The following ADAMTSL1 variants were observed in gnomAD, a reference collection of about 807,000 sequenced individuals.
The protein encoded by ADAMTSL1 is ADAMTS like 1.
In ADAMTSL1, 126 loss-of-function variants were observed where a neutral mutation model predicts 201.8. The observed-to-expected ratio is 0.62, with a 90% CI of 0.54 to 0.72. The LOEUF (loss-of-function observed/expected upper bound fraction) is 0.72. Ranked by LOEUF, ADAMTSL1 falls within the 30% of genes least tolerant of loss-of-function variation. The pLI is 0.00. For missense variants in ADAMTSL1, 2,679 were observed against 2,277.8 expected (o/e 1.18, Z -3.59); for synonymous variants, 1,121 against 903.4 (o/e 1.24, Z -4.32).
intron 1 of ADAMTSL1, among the ~76,000 whole-genome samples, chr9:18,495,192 A>T (rs1040431817): frequency 3.9e-5 from 6 of 152,162 alleles, no homozygotes; most frequent in African/African-American, 1.4e-4. Flanking sequence ...CTAAACTGTA[A>T]ATCCTCTAAA....
chr9:18,442,945 C>G (rs1446846221), intron 2 of ADAMTSL1, among the ~76,000 whole-genome samples: 1 of 152,218 alleles, frequency 6.6e-6, no homozygotes, highest in African/African-American at 2.4e-5. Context: ...TTTTATAGAA[C>G]AGAGTGATGG....
intron 1 of ADAMTSL1, among the ~76,000 whole-genome samples, chr9:18,148,588 A>T (rs1826763677): frequency 6.6e-6 from 1 of 152,052 alleles, no homozygotes; most frequent in African/African-American, 2.4e-5. Flanking sequence ...ATAAATAAAG[A>T]ATTTTTTATT....
chr9:18,134,655 A>G (rs1412012071), intron 1 of ADAMTSL1, among the ~76,000 whole-genome samples: 1 of 152,210 alleles, frequency 6.6e-6, no homozygotes, highest in African/African-American at 2.4e-5. Flanking sequence ...AAAACTTGCC[A>G]GTGGGTGTGG....
intron 16 of ADAMTSL1, among the ~76,000 whole-genome samples, chr9:18,768,332 T>G (rs928137172): frequency 6.6e-6 from 1 of 152,102 alleles, no homozygotes; most frequent in Non-Finnish European, 1.5e-5. Flanking sequence ...TTGGACTTTT[T>G]CTCCAGCTGC....
chr9:18,618,335 T>C (rs138762812), intron 4 of ADAMTSL1, among the ~76,000 whole-genome samples: 48 of 152,264 alleles, frequency 3.2e-4, no homozygotes, highest in African/African-American at 1.1e-3. Flanking sequence ...ATTGAAACTA[T>C]TAGCAAACCA....
At chr9:18,795,272 T>C in intron 19 of ADAMTSL1, 125 bp from the exon 20 acceptor site, 2 of 1,241,556 alleles carry the variant, frequency 1.6e-6, no homozygotes, top group East Asian at 2.4e-5. Context: ...TGTAGCTGGT[T>C]TGTCTCTGTT....
At chr9:17,967,692 CT>C (rs759821727) in intron 1 of ADAMTSL1, among the ~76,000 whole-genome samples, 4 of 151,956 alleles carry the variant, frequency 2.6e-5, no homozygotes, top group Non-Finnish European at 4.4e-5. Context: ...CTTTTTCTTC[CT>C]TTATAGATTT....
intron 9 of ADAMTSL1, among the ~76,000 whole-genome samples, chr9:18,672,139 C>T (rs1203845569): frequency 2.0e-5 from 3 of 150,606 alleles, no homozygotes; most frequent in African/African-American, 4.9e-5. Context: ...AGATGTATCT[C>T]AATAGTTATA....
rs772886011 is a variant in ADAMTSL1, at chr9:18,533,266, A to G, written c.211A>G (p.Ile71Val). ...LSSKSCEGRN[I>V]RYRTCSNVDC... ...ACTTAGGAGCTGTGAAGGAAGAAATATCCGATACAGAACATGCAGTAATGT... is the reference window on the plus strand; with the variant it reads ...ACTTAGGAGCTGTGAAGGAAGAAATGTCCGATACAGAACATGCAGTAATGT... Residue 71 changes from isoleucine (I) to valine (V), a missense_variant, in exon 3 of 29, where the codon ATC (isoleucine) becomes GTC (valine). Ile to Val is a conservative substitution (Grantham distance 29). Transcript: ENST00000380548. The G allele has an allele frequency of 6.2e-7, 1 of 1,607,558 alleles. No homozygotes were observed. The highest frequency in any genetic ancestry group is 1.7e-5 in the Admixed American group (1 of 59,404).
intron 15 of ADAMTSL1, among the ~76,000 whole-genome samples, chr9:18,739,347 A>C (rs1818691903): frequency 6.6e-6 from 1 of 152,204 alleles, no homozygotes; most frequent in Admixed American, 6.5e-5. Flanking sequence ...TTATGCTCAC[A>C]TGTCTCCTAC....
intron 2 of ADAMTSL1, among the ~76,000 whole-genome samples, chr9:18,250,782 G>A (rs1831434819): frequency 6.6e-6 from 1 of 152,120 alleles, no homozygotes. Flanking sequence ...CTCCATGTTC[G>A]AGGCTCCTCA....
At chr9:18,684,687 T>C in intron 12 of ADAMTSL1, 29 bp from the exon 13 acceptor site, 5 of 1,606,990 alleles carry the variant, frequency 3.1e-6, no homozygotes, top group Non-Finnish European at 4.2e-6. Flanking sequence ...TAACCTCTTC[T>C]TTTGTATGTG....
chr9:18,646,653 G>T (rs1214033080), intron 7 of ADAMTSL1, among the ~76,000 whole-genome samples: 37 of 148,808 alleles, frequency 2.5e-4, no homozygotes, highest in East Asian at 1.6e-3. Flanking sequence ...ATAATCATGT[G>T]GTTTTTGTCT....
intron 1 of ADAMTSL1, among the ~76,000 whole-genome samples, chr9:18,129,565 A>G (rs1433151848): frequency 6.6e-6 from 1 of 152,168 alleles, no homozygotes; most frequent in Non-Finnish European, 1.5e-5. Flanking sequence ...CAATTCACAG[A>G]TGCAATGTGG....
intron 4 of ADAMTSL1, among the ~76,000 whole-genome samples, chr9:18,613,274 T>A (rs1825495087): frequency 6.6e-6 from 1 of 152,148 alleles, no homozygotes; most frequent in African/African-American, 2.4e-5. Context: ...GGAGTGTAAA[T>A]TAGTTCAAGC....
chr9:18,147,537 C>T (rs1826698009), intron 1 of ADAMTSL1, among the ~76,000 whole-genome samples: 1 of 152,082 alleles, frequency 6.6e-6, no homozygotes, highest in African/African-American at 2.4e-5. Flanking sequence ...TTCCCTCTTC[C>T]TATCTGCTCT....
chr9:18,361,728 T>C (rs1836528866), intron 2 of ADAMTSL1, among the ~76,000 whole-genome samples: 1 of 152,142 alleles, frequency 6.6e-6, no homozygotes, highest in South Asian at 2.1e-4. Flanking sequence ...GATTCAGATA[T>C]TTTTGTGAGC....
chr9:18,078,655 T>C (rs1586996597), intron 1 of ADAMTSL1, among the ~76,000 whole-genome samples: 1 of 150,966 alleles, frequency 6.6e-6, no homozygotes, highest in Non-Finnish European at 1.5e-5. Flanking sequence ...TTTCTAGACT[T>C]CTCTTCTAAG....
chr9:18,776,041 C>T, intron 18 of ADAMTSL1, 145 bp downstream of exon 18: 1 of 1,140,148 alleles, frequency 8.8e-7, no homozygotes, highest in South Asian at 1.7e-5. Context: ...GGCAGGAGAG[C>T]TCAGCTGGAG....
Sources: allele counts gnomAD v4.1 joint callset (sites outside exome capture counted in the v4.1 genomes callset), GRCh38; gene constraint gnomAD v4.1.1; transcripts MANE v1.5; gene names NCBI Gene and HGNC (gene_info 2026-07-23, HGNC 2026-07-21).